The following ZZZ3 variants were observed in gnomAD, a reference collection of about 807,000 sequenced individuals.
ZZZ3 encodes the protein ZZ-type zinc finger-containing protein 3.
Under a neutral mutation model 95.2 loss-of-function variants are expected in ZZZ3, and 22 were observed. The ratio of observed to expected loss-of-function variants is 0.23; its 90% confidence interval spans 0.17 to 0.33. The LOEUF (loss-of-function observed/expected upper bound fraction) is 0.33. ZZZ3 is among the 10% of genes least tolerant of loss of function. The probability of loss-of-function intolerance (pLI) is 1.00; values close to 1 mark genes in which losing one functional copy is unlikely to be tolerated. For missense variants in ZZZ3, 885 were observed against 1,066.5 expected (o/e 0.83, Z 2.37); for synonymous variants, 335 against 358.9 (o/e 0.93, Z 0.75).
chr1:77,623,260 C>T (rs535506758), intron 5 of ZZZ3, among the ~76,000 whole-genome samples: 2 of 152,184 alleles, frequency 1.3e-5, no homozygotes, highest in South Asian at 2.1e-4. Flanking sequence ...GAAGCTGAAG[C>T]GGCTAGAATT....
At chr1:77,580,973 T>C in intron 9 of ZZZ3, 25 bp downstream of exon 9, 1 of 1,601,652 alleles carries the variant, frequency 6.2e-7, no homozygotes, top group South Asian at 1.1e-5. Context: ...TTTTTAAGCC[T>C]ACACGATTTT....
At chr1:77,594,168 G>A (rs1476365436) in intron 5 of ZZZ3, among the ~76,000 whole-genome samples, 1 of 152,066 alleles carries the variant, frequency 6.6e-6, no homozygotes, top group Non-Finnish European at 1.5e-5. Context: ...CTTCAAAGAG[G>A]AGAATATTTA....
At chr1:77,652,639 G>A (rs1669911284) in intron 1 of ZZZ3, among the ~76,000 whole-genome samples, 1 of 152,120 alleles carries the variant, frequency 6.6e-6, no homozygotes. Context: ...ACAAAAACAT[G>A]TACAAAAATG....
intron 8 of ZZZ3, among the ~76,000 whole-genome samples, chr1:77,581,506 C>A (rs551628488): frequency 6.6e-6 from 1 of 152,116 alleles, no homozygotes; most frequent in Non-Finnish European, 1.5e-5. Flanking sequence ...ACCTATTTAA[C>A]CCTCACCAAC....
At chr1:77,681,827 A>G (rs1318635456) in intron 1 of ZZZ3, among the ~76,000 whole-genome samples, 4 of 145,708 alleles carry the variant, frequency 2.7e-5, no homozygotes, top group African/African-American at 7.7e-5. Context: ...TGAACCCGGG[A>G]GGCGGAGGTT....
chr1:77,667,319 T>C (rs577740649), intron 1 of ZZZ3, among the ~76,000 whole-genome samples: 1 of 152,368 alleles, frequency 6.6e-6, no homozygotes, highest in South Asian at 2.1e-4. Context: ...TTAATGAAAG[T>C]AGATGCTTTT....
chr1:77,610,677 T>C (rs2100728540), intron 5 of ZZZ3, among the ~76,000 whole-genome samples: 1 of 151,866 alleles, frequency 6.6e-6, no homozygotes, highest in African/African-American at 2.4e-5. Context: ...ATCAATGCGA[T>C]ACATCATATC....
At chr1:77,638,122 T>C (rs977052830) in intron 4 of ZZZ3, among the ~76,000 whole-genome samples, 6 of 152,132 alleles carry the variant, frequency 3.9e-5, no homozygotes, top group African/African-American at 1.4e-4. Context: ...GTGTGGTCAG[T>C]AACTAGAATT....
chr1:77,571,129 T>C (rs1199701687), intron 12 of ZZZ3, among the ~76,000 whole-genome samples: 1 of 152,214 alleles, frequency 6.6e-6, no homozygotes, highest in Non-Finnish European at 1.5e-5. Flanking sequence ...TAATGAAATT[T>C]ACTTAATTCA....
At position 77,632,139 on chromosome 1, in the gene ZZZ3, C is replaced by T; in HGVS notation, c.1216G>A (p.Glu406Lys). The change falls in exon 5 of 15, where the codon GAG (glutamate) becomes AAG (lysine). Residue 406 changes from glutamate (E) to lysine (K), a missense_variant. Glu to Lys is a moderately conservative substitution (Grantham distance 56). Around this residue, in one of 5 missense-constraint regions of ZZZ3, gnomAD observed 556 missense variants for 652.9 expected, o/e 0.85. Coordinates refer to ENST00000370801, the MANE Select transcript of ZZZ3 (RefSeq NM_015534.6). ...SSPYRENGQFEENNLSPNETN... is the reference protein window; with the variant it reads ...SSPYRENGQFKENNLSPNETN... ...TCATTAGGACTAAGATTATTCTCCTCAAATTGTCCATTTTCTCTGTAAGGA... is the reference window on the plus strand; with the variant it reads ...TCATTAGGACTAAGATTATTCTCCTTAAATTGTCCATTTTCTCTGTAAGGA... 6.2e-7 allele frequency: 1 copy of T among 1,614,112 alleles called. No individual in the cohort carries two copies. Among genetic ancestry groups the T allele is most frequent in the Non-Finnish European group, 8.5e-7 (1 of 1,180,020 alleles).
rs187928136 is a variant in ZZZ3, at chr1:77,633,397, T to C, written c.-43A>G. The C allele has an allele frequency of 1.3e-5, 20 of 1,526,676 alleles. No homozygotes were observed. In the South Asian group the frequency reaches 1.6e-4, roughly 12 times the overall value. The allele number at this position is 1,526,676 out of a possible 1,614,324, so 94.6% of individuals were successfully genotyped here. On this transcript the variant is annotated 5_prime_UTR_variant, in exon 5 of 15. An upstream start codon of the reference 5' UTR is lost. Coordinates refer to ENST00000370801, the MANE Select transcript of ZZZ3 (RefSeq NM_015534.6). ...CAATACGGTCATCATGATCCACTCATTGGGAAACCTTCAAAAATGTAAACA... is the reference window on the plus strand; with the variant it reads ...CAATACGGTCATCATGATCCACTCACTGGGAAACCTTCAAAAATGTAAACA...
intron 1 of ZZZ3, among the ~76,000 whole-genome samples, chr1:77,674,381 T>C (rs1672066641): frequency 6.6e-6 from 1 of 152,168 alleles, no homozygotes. Flanking sequence ...GTATAAATCC[T>C]AGGCTCAAAA....
intron 1 of ZZZ3, among the ~76,000 whole-genome samples, chr1:77,676,242 T>C (rs1325318900): frequency 2.0e-5 from 3 of 152,122 alleles, no homozygotes; most frequent in Admixed American, 6.5e-5. Context: ...TCTGGGCTCA[T>C]TGTAGCCTCA....
chr1:77,628,788 C>A (rs1667538037), intron 5 of ZZZ3, among the ~76,000 whole-genome samples: 1 of 152,162 alleles, frequency 6.6e-6, no homozygotes, highest in African/African-American at 2.4e-5. Flanking sequence ...TAACAACTTA[C>A]TTTTAAAACT....
intron 5 of ZZZ3, among the ~76,000 whole-genome samples, chr1:77,595,491 T>C (rs1664130083): frequency 1.3e-5 from 2 of 152,040 alleles, no homozygotes; most frequent in African/African-American, 4.8e-5. Context: ...CTTATCAGGC[T>C]TTTAGTTTCC....
At chr1:77,566,221 G>T in intron 13 of ZZZ3, 40 bp from the exon 14 acceptor site, 1 of 1,401,858 alleles carries the variant, frequency 7.1e-7, no homozygotes. Context: ...AAGTTATACT[G>T]TTCCACGATC....
chr1:77,587,147 T>C (rs1663158610), intron 5 of ZZZ3, among the ~76,000 whole-genome samples: 1 of 152,136 alleles, frequency 6.6e-6, no homozygotes, highest in Non-Finnish European at 1.5e-5. Context: ...ATTGGTTGTG[T>C]TGCTGGGGAT....
chr1:77,601,715 T>C (rs866303496), intron 5 of ZZZ3, among the ~76,000 whole-genome samples: 1 of 152,118 alleles, frequency 6.6e-6, no homozygotes, highest in African/African-American at 2.4e-5. Flanking sequence ...TCATTTTGCA[T>C]TGAAAATTTA....
At chr1:77,593,065 T>C (rs571874492) in intron 5 of ZZZ3, among the ~76,000 whole-genome samples, 2 of 152,158 alleles carry the variant, frequency 1.3e-5, no homozygotes, top group African/African-American at 4.8e-5. Flanking sequence ...AAGATCAGAG[T>C]TGGAGTCTAG....
Sources: gnomAD v4.1 joint callset for allele counts (sites outside exome capture counted in the v4.1 genomes callset) on GRCh38, gnomAD v4.1.1 for gene constraint, gnomAD v4.1.1 regional missense constraint, MANE v1.5 for transcripts, NCBI Gene and HGNC (gene_info 2026-07-23, HGNC 2026-07-21) for gene names.